TSPAN32: variants seen among roughly 807,000 people sequenced by gnomAD.
TSPAN32 encodes tetraspanin-32.
TSPAN32 carries 47 observed loss-of-function variants against 42.7 expected under a neutral mutation model. The ratio of observed to expected loss-of-function variants is 1.10; its 90% CI spans 0.87 to 1.40. The LOEUF is 1.40. Ranked by LOEUF, TSPAN32 falls within the 40% of genes most tolerant of loss-of-function variation. TSPAN32 has a pLI of 0.00. For synonymous variants in TSPAN32, 175 were observed against 175.9 expected, an observed-to-expected ratio of 0.99 and a Z score of 0.04; for missense variants, 469 against 424.1, an observed-to-expected ratio of 1.11 and a Z score of -0.93.
At chr11:2,309,856 C>T (rs1848363474) in intron 4 of TSPAN32, 1 of 155,970 alleles carries the variant, frequency 6.4e-6, no homozygotes, top group African/African-American at 2.4e-5. Context: ...CTCAAGGTTA[C>T]CCTGGCAGTG....
rs575688608 is a variant in TSPAN32 at position 2,308,016 on chromosome 11, G to A, written c.280-720G>A. ...CCGGCCCTGGAGAGGCTCAGGCTCA[G>A]GGGAGACTCTGCCCGGCCCTGTCCA... On this transcript the variant is annotated intron_variant, in intron 3 of 9. Transcript: ENST00000182290. Among the ~76,000 whole-genome samples the A allele has an allele frequency of 2.0e-4, 30 of 152,252 alleles. No homozygotes were observed. The South Asian group carries it at 5.8e-3, about 29-fold the overall frequency.
In TSPAN32 at chr11:2,304,046, T is replaced by C; in HGVS notation, c.182-61T>C. 1 of 1,304,180 alleles carries C rather than the reference T, an allele frequency of 7.7e-7. No homozygotes were observed. Among genetic ancestry groups the C allele is most frequent in the Non-Finnish European group, 1.1e-6 (1 of 922,674 alleles). The allele number at this position is 1,304,180 out of a possible 1,614,324, so 80.8% of individuals were successfully genotyped here. A position where few individuals can be genotyped will look rare whatever the true frequency, so the allele number is the denominator to read the frequency against. On this transcript the variant is annotated intron_variant, in intron 2 of 9. Coordinates refer to ENST00000182290, the MANE Select transcript of TSPAN32 (RefSeq NM_139022.3). The surrounding 1 kb of genome is among the most constrained non-coding windows in gnomAD (Gnocchi z 4.8). ...CCCAAGTTAGATTTCACACCCAGGC[T>C]GTGTGCACTCAGGACCTGTCCTGGG... is the stretch of plus-strand genomic sequence containing the variant.
chr11:2,303,118 C>T (rs1278999009), intron 2 of TSPAN32, 160 bp downstream of exon 2: 1 of 627,864 alleles, frequency 1.6e-6, no homozygotes, highest in African/African-American at 1.9e-5. Context: ...AGTCCTAGCT[C>T]CCCTGGGCAG....
At position 2,317,571 on chromosome 11, in the gene TSPAN32, G is replaced by A. The variant is rs773529111; in HGVS notation, c.901+46G>A. On this transcript the variant is annotated intron_variant, in intron 9 of 9. Transcript: ENST00000182290. This position sits in a 1 kb window ranked among gnomAD's most constrained non-coding sequence, Gnocchi z 6.2. ...AGCCCTCATGGGATCCCTGAGGGGAGGGTCCGAGCTGTGAGGAGGGAAGGG... is the reference window on the plus strand; with the variant it reads ...AGCCCTCATGGGATCCCTGAGGGGAAGGTCCGAGCTGTGAGGAGGGAAGGG... 6.5e-7 allele frequency: 1 copy of A among 1,535,322 alleles called. No homozygotes were observed. Among genetic ancestry groups the A allele is most frequent in the Non-Finnish European group, 8.7e-7 (1 of 1,144,990 alleles).
intron 2 of TSPAN32, among the ~76,000 whole-genome samples, chr11:2,303,817 C>T (rs993926346): frequency 4.6e-5 from 7 of 152,126 alleles, no homozygotes; most frequent in Admixed American, 2.0e-4. Context: ...AGCTCCAGTC[C>T]GGCCACTTGT....
chr11:2,312,901 G>A (rs1322184562), intron 4 of TSPAN32, among the ~76,000 whole-genome samples: 5 of 152,204 alleles, frequency 3.3e-5, no homozygotes, highest in East Asian at 1.9e-4. Context: ...GGAGACCAGC[G>A]ACTCCTGGAG....
At position 2,306,046 on chromosome 11, in the gene TSPAN32, CTG is replaced by C. The variant is rs56961357; in HGVS notation, c.279+1866_279+1867del. On this transcript the variant is annotated intron_variant, in intron 3 of 9. Transcript: ENST00000182290. ...TGTGTGTGTGCGTGTGCAGGTGCCT[CTG>C]TGTGTGTGTGTGTGTGTGTGTGTAA... Among the ~76,000 whole-genome samples the C allele has an allele frequency of 1.1e-3, 168 of 147,292 alleles. 2 individuals are homozygous for C. The highest frequency in any genetic ancestry group is 3.1e-3 in the African/African-American group (125 of 39,684).
chr11:2,313,699 G>A lies in TSPAN32; in HGVS notation c.400G>A (p.Ala134Thr). Residue 134 changes from alanine to threonine, a missense_variant, in exon 5 of 10, where the codon GCG becomes ACG. Physicochemically the swap from Ala to Thr is moderately conservative, Grantham distance 58 (BLOSUM62 0). Coordinates refer to ENST00000182290, the MANE Select transcript of TSPAN32 (RefSeq NM_139022.3). This position sits in a 1 kb window ranked among gnomAD's most constrained non-coding sequence, Gnocchi z 9.1. Reference protein sequence around the residue: ...LDTYDLVYEQAMKGTSHVRRQ... With the variant: ...LDTYDLVYEQTMKGTSHVRRQ... ...CACCTACGACCTGGTATATGAGCAGGCGATGAAAGGTACGTCCCACGTCCG... is the reference window on the plus strand; with the variant it reads ...CACCTACGACCTGGTATATGAGCAGACGATGAAAGGTACGTCCCACGTCCG... 6.2e-7 allele frequency: 1 copy of A among 1,609,188 alleles called. No individual in the cohort carries two copies. Among genetic ancestry groups the A allele is most frequent in the East Asian group, 2.2e-5 (1 of 44,730 alleles).
chr11:2,316,515 T>C, intron 7 of TSPAN32, 61 bp from the exon 8 acceptor site: 1 of 1,608,980 alleles, frequency 6.2e-7, no homozygotes, highest in Non-Finnish European at 8.5e-7. Context: ...TCCTGATGCT[T>C]CCTGGGGAGG....
intron 6 of TSPAN32, 158 bp from the exon 7 acceptor site, chr11:2,316,071 A>G: frequency 6.5e-7 from 1 of 1,533,910 alleles, no homozygotes; most frequent in Non-Finnish European, 8.7e-7. Context: ...GCCTTTCCCT[A>G]GAGCCCTGGG....
At chr11:2,316,736 C>A (rs1190603928) in intron 8 of TSPAN32, 69 bp downstream of exon 8, 2 of 1,451,810 alleles carry the variant, frequency 1.4e-6, no homozygotes, top group Admixed American at 2.4e-5. Context: ...GGCATCTGCT[C>A]TGCCAGCTGC....
At chr11:2,309,294 G>A (rs765595238) in intron 4 of TSPAN32, 58 of 456,548 alleles carry the variant, frequency 1.3e-4, no homozygotes, top group African/African-American at 3.4e-4. Context: ...CTGGGGTGTC[G>A]CAGCCTCCAC....
At position 2,313,857 on chromosome 11, in the gene TSPAN32, C is replaced by T. The variant is rs752328878; in HGVS notation, c.456+102C>T. The stretch of plus-strand genomic sequence containing the variant: ...GCCAGTGAGAGGTCTGGCCAGGCAC[C>T]GAGGGGGTTCCAGGACACAGGCCAG... On this transcript the variant is annotated intron_variant, in intron 5 of 9. Coordinates refer to ENST00000182290, the MANE Select transcript of TSPAN32 (RefSeq NM_139022.3). This position sits in a 1 kb window ranked among gnomAD's most constrained non-coding sequence, Gnocchi z 9.1. 2.9e-5 allele frequency: 27 copies of T among 944,910 alleles called. No individual in the cohort carries two copies. Among genetic ancestry groups the T allele is most frequent in the Middle Eastern group, 3.1e-4 (1 of 3,236 alleles). The allele number at this position is 944,910 out of a possible 1,614,324, so 58.5% of individuals were successfully genotyped here.
chr11:2,302,131 G>GGAGAGGAGAC lies in TSPAN32; in HGVS notation c.-10_-9insCGAGAGGAGA. 1 of 1,478,618 alleles carries GGAGAGGAGAC rather than the reference G, an allele frequency of 6.8e-7. No individual in the cohort carries two copies. Among genetic ancestry groups the GGAGAGGAGAC allele is most frequent in the Non-Finnish European group, 9.0e-7 (1 of 1,114,796 alleles). 91.6% of individuals were successfully genotyped at this position (1,478,618 alleles called of 1,614,324 possible). ...AGGGAGGGGAAGGGAGGGGAGGAGA[G>GGAGAGGAGAC]GAGAGGAGAGGAACCGTCATGGGGC... is the stretch of plus-strand genomic sequence containing the variant. On this transcript the variant is annotated 5_prime_UTR_variant, in exon 1 of 10. Transcript: ENST00000182290.
chr11:2,305,615 C>G (rs1468241002), intron 3 of TSPAN32, among the ~76,000 whole-genome samples: 1 of 152,240 alleles, frequency 6.6e-6, no homozygotes. Context: ...CACCTTGCCC[C>G]CGTGCACAAA....
At chr11:2,316,336 C>T in intron 7 of TSPAN32, 24 bp downstream of exon 7, 2 of 1,577,106 alleles carry the variant, frequency 1.3e-6, no homozygotes, top group Non-Finnish European at 1.7e-6. Context: ...TCCCTCACTG[C>T]CCCTTCCCAC....
At chr11:2,315,075 G>A (rs949527078) in intron 6 of TSPAN32, 8 of 345,788 alleles carry the variant, frequency 2.3e-5, no homozygotes, top group Non-Finnish European at 3.4e-5. Context: ...ACAACAGAGC[G>A]GGGCCCGAGG....
At chr11:2,314,858 G>A in intron 6 of TSPAN32, 1 of 462,246 alleles carries the variant, frequency 2.2e-6, no homozygotes, top group Non-Finnish European at 4.0e-6. Flanking sequence ...CTTCAAGCCA[G>A]TTCCAGCCTG....
intron 7 of TSPAN32, 114 bp downstream of exon 7, chr11:2,316,426 T>C: frequency 1.3e-6 from 2 of 1,545,808 alleles, no homozygotes; most frequent in Non-Finnish European, 1.7e-6. Flanking sequence ...TGAGCCTCAC[T>C]GGCTGCCAAC....
Sources: allele counts gnomAD v4.1 joint callset (sites outside exome capture counted in the v4.1 genomes callset), GRCh38; gene constraint gnomAD v4.1.1; non-coding constraint Gnocchi (gnomAD v3.1); transcripts MANE v1.5; gene names NCBI Gene and HGNC (gene_info 2026-07-23, HGNC 2026-07-21).